The following CDK14 variants were observed in gnomAD, a reference collection of about 807,000 sequenced individuals.
CDK14 encodes cyclin dependent kinase 14, also known as cyclin-dependent kinase 14.
A neutral mutation model predicts 60.7 loss-of-function variants in CDK14; 34 were observed. The observed-to-expected ratio is 0.56, with a 90% CI of 0.43 to 0.75. The LOEUF (loss-of-function observed/expected upper bound fraction) is 0.75, where lower values mean the gene tolerates loss of function less well. CDK14 is among the 30% of genes least tolerant of loss of function. CDK14 has a pLI of 0.00. For synonymous variants in CDK14, 197 were observed against 203.7 expected (o/e 0.97, Z 0.28); for missense variants, 482 against 564.1 (o/e 0.85, Z 1.47).
intron 5 of CDK14, among the ~76,000 whole-genome samples, chr7:90,809,178 G>A (rs1038583990): frequency 3.9e-5 from 6 of 152,062 alleles, no homozygotes; most frequent in Non-Finnish European, 8.8e-5. Context: ...ATTCTTTTCA[G>A]CACCACACCA....
At chr7:90,870,188 G>A (rs1791322714) in intron 6 of CDK14, among the ~76,000 whole-genome samples, 1 of 152,192 alleles carries the variant, frequency 6.6e-6, no homozygotes, top group Non-Finnish European at 1.5e-5. Context: ...CATGTCCTTT[G>A]CAGGAACATG....
chr7:90,704,214 C>T (rs753289123), intron 2 of CDK14, among the ~76,000 whole-genome samples: 5 of 152,194 alleles, frequency 3.3e-5, no homozygotes, highest in African/African-American at 1.2e-4. Context: ...CAACTTTACA[C>T]GCTGCTTCTT....
intron 5 of CDK14, among the ~76,000 whole-genome samples, chr7:90,858,389 G>C (rs1302690269): frequency 6.6e-6 from 1 of 152,174 alleles, no homozygotes; most frequent in African/African-American, 2.4e-5. Flanking sequence ...AACGGTTAAA[G>C]AAAATCCTGT....
chr7:91,123,471 C>A (rs2116398247), intron 14 of CDK14, among the ~76,000 whole-genome samples: 1 of 152,226 alleles, frequency 6.6e-6, no homozygotes, highest in South Asian at 2.1e-4. Flanking sequence ...ACCATTACCC[C>A]CACATGACTG....
At chr7:91,102,075 T>A (rs1359890544) in intron 12 of CDK14, among the ~76,000 whole-genome samples, 1 of 152,166 alleles carries the variant, frequency 6.6e-6, no homozygotes, top group African/African-American at 2.4e-5. Context: ...ATCATCCAGA[T>A]CATTTTCAAG....
chr7:90,625,854 T>G (rs1563020283), intron 2 of CDK14, among the ~76,000 whole-genome samples: 1 of 152,256 alleles, frequency 6.6e-6, no homozygotes, highest in Non-Finnish European at 1.5e-5. Context: ...ACTCGTAGTC[T>G]TATTCCCAAA....
chr7:91,057,930 C>G (rs76166241), intron 11 of CDK14, among the ~76,000 whole-genome samples: 42,188 of 150,998 alleles, frequency 0.28, 6,942 homozygotes, highest in East Asian at 0.6. Flanking sequence ...TAGTTTTATC[C>G]AATTCTGTGA....
At chr7:90,749,494 TC>T (rs1192112918) in intron 4 of CDK14, among the ~76,000 whole-genome samples, 1 of 148,530 alleles carries the variant, frequency 6.7e-6, no homozygotes, top group African/African-American at 2.5e-5. Flanking sequence ...CACTCACTCT[TC>T]CTGTGCAGAG....
intron 2 of CDK14, among the ~76,000 whole-genome samples, chr7:90,706,647 A>G (rs887831339): frequency 2.6e-5 from 4 of 152,204 alleles, no homozygotes; most frequent in African/African-American, 9.7e-5. Flanking sequence ...CTGAGGTCCA[A>G]CTGAGTAATG....
Position 90,868,710 on chromosome 7 carries a change from A to C in CDK14, c.639+5441A>C, listed in dbSNP as rs575671669. On this transcript the variant is annotated intron_variant, in intron 6 of 14. Coordinates refer to ENST00000380050, the MANE Select transcript of CDK14 (RefSeq NM_001287135.2). The stretch of plus-strand genomic sequence containing the variant: ...TACATTCTACAAAGCACTCTTATAG[A>C]TGTTATTTTATTAGATGCCACCCTC... Among the ~76,000 whole-genome samples the C allele has an allele frequency of 2.6e-5, 4 of 152,316 alleles. No individual in the cohort carries two copies. In the South Asian group the frequency reaches 8.3e-4, roughly 32 times the overall value.
At chr7:90,645,874 G>A (rs1047121788) in intron 2 of CDK14, among the ~76,000 whole-genome samples, 5 of 152,210 alleles carry the variant, frequency 3.3e-5, no homozygotes, top group Non-Finnish European at 7.3e-5. Flanking sequence ...GTCACACACA[G>A]TGAGAATAAT....
At chr7:90,756,623 G>A (rs999404839) in intron 4 of CDK14, among the ~76,000 whole-genome samples, 51 of 152,258 alleles carry the variant, frequency 3.3e-4, no homozygotes, top group Non-Finnish European at 4.3e-4. Context: ...CTTTAAGGTG[G>A]CTAAGTCAGG....
chr7:90,990,378 GAAAATA>G (rs1795497402), intron 10 of CDK14, among the ~76,000 whole-genome samples: 1 of 152,156 alleles, frequency 6.6e-6, no homozygotes, highest in Non-Finnish European at 1.5e-5. Context: ...GAAGAACATT[GAAAATA>G]TTAAGCTACA....
intron 10 of CDK14, among the ~76,000 whole-genome samples, chr7:91,033,328 G>A (rs1007779410): frequency 6.6e-6 from 1 of 152,104 alleles, no homozygotes; most frequent in Non-Finnish European, 1.5e-5. Flanking sequence ...ACTTGAAATT[G>A]CCCTCAACCC....
intron 2 of CDK14, among the ~76,000 whole-genome samples, chr7:90,629,126 C>G (rs568691954): frequency 1.3e-5 from 2 of 152,148 alleles, no homozygotes; most frequent in East Asian, 3.9e-4. Context: ...CCTCTTGCTA[C>G]TACGGCAATT....
At chr7:90,987,024 A>T (rs1181832310) in intron 10 of CDK14, among the ~76,000 whole-genome samples, 1 of 151,008 alleles carries the variant, frequency 6.6e-6, no homozygotes, top group Non-Finnish European at 1.5e-5. Context: ...TATAACTGAG[A>T]TATATTATAC....
chr7:91,177,329 T>G (rs1374975699), intron 14 of CDK14, among the ~76,000 whole-genome samples: 3 of 141,876 alleles, frequency 2.1e-5, no homozygotes, highest in Non-Finnish European at 4.6e-5. Context: ...AAGAGCTATC[T>G]ATGACAAACC....
chr7:90,696,157 G>C (rs1350403178), intron 2 of CDK14, among the ~76,000 whole-genome samples: 1 of 152,148 alleles, frequency 6.6e-6, no homozygotes, highest in Non-Finnish European at 1.5e-5. Context: ...AAGGGAACTA[G>C]CTTGTTGGAG....
intron 5 of CDK14, among the ~76,000 whole-genome samples, chr7:90,814,302 G>A (rs1789259244): frequency 6.6e-6 from 1 of 152,102 alleles, no homozygotes; most frequent in Non-Finnish European, 1.5e-5. Context: ...CGGAAGGAAA[G>A]TTTCAGGGGT....
Sources: allele counts gnomAD v4.1 joint callset (sites outside exome capture counted in the v4.1 genomes callset), GRCh38; gene constraint gnomAD v4.1.1; transcripts MANE v1.5; gene names NCBI Gene and HGNC (gene_info 2026-07-23, HGNC 2026-07-21).